FSIP1: variants seen among roughly 807,000 people sequenced by gnomAD.
The protein encoded by FSIP1 is fibrous sheath-interacting protein 1.
A neutral mutation model predicts 60.9 loss-of-function variants in FSIP1; 65 were observed. That is an observed-to-expected ratio of 1.07 (90% CI 0.87 to 1.31). The LOEUF (loss-of-function observed/expected upper bound fraction) is 1.31. Among genes scored for constraint, FSIP1 ranks in the 40% most tolerant of loss-of-function variants. The pLI, the probability that FSIP1 is intolerant of heterozygous loss-of-function variation, is 0.00. For missense variants in FSIP1, 675 were observed against 665.5 expected, an observed-to-expected ratio of 1.01 and a Z score of -0.16; for synonymous variants, 209 against 221.2, an observed-to-expected ratio of 0.94 and a Z score of 0.49.
intron 10 of FSIP1, among the ~76,000 whole-genome samples, chr15:39,651,459 T>C (rs1892865032): frequency 6.6e-6 from 1 of 152,216 alleles, no homozygotes; most frequent in Admixed American, 6.5e-5. Flanking sequence ...AAAGCTCTAA[T>C]GAATGAAAAG....
chr15:39,631,512 T>C (rs1262254883), intron 10 of FSIP1, among the ~76,000 whole-genome samples: 1 of 152,182 alleles, frequency 6.6e-6, no homozygotes, highest in Non-Finnish European at 1.5e-5. Context: ...TCACCCTGTA[T>C]AGGCAATGAC....
At chr15:39,690,987 G>A (rs1894575791) in intron 10 of FSIP1, among the ~76,000 whole-genome samples, 1 of 152,114 alleles carries the variant, frequency 6.6e-6, no homozygotes, top group South Asian at 2.1e-4. Flanking sequence ...CATCAGAGAG[G>A]TTCGAGTAAA....
Position 39,601,536 on chromosome 15 carries a change from T to C in FSIP1, c.1700-610A>G, listed in dbSNP as rs555419343. ...GAGAAGGTTACCATAGACCTGGCAA[T>C]TCCACTTCTAGGTATAAGCCCAAGA... On this transcript the variant is annotated intron_variant, in intron 11 of 11. Transcript: ENST00000350221. Among the ~76,000 whole-genome samples the C allele has an allele frequency of 2.0e-5, 3 of 152,294 alleles. No individual in the cohort carries two copies. In the East Asian group the frequency reaches 5.8e-4, roughly 29 times the overall value.
intron 10 of FSIP1, among the ~76,000 whole-genome samples, chr15:39,693,271 T>G: frequency 6.6e-6 from 1 of 152,222 alleles, no homozygotes; most frequent in South Asian, 2.1e-4. Flanking sequence ...ATGCTCTCAC[T>G]GGCTGGATTT....
intron 5 of FSIP1, among the ~76,000 whole-genome samples, chr15:39,746,232 T>C (rs8033957): frequency 0.2 from 30,134 of 151,836 alleles, 4,086 homozygotes; most frequent in East Asian, 0.45. Context: ...CAATCAGTGG[T>C]CATGTAAGCT....
intron 9 of FSIP1, among the ~76,000 whole-genome samples, chr15:39,718,497 T>C (rs995700615): frequency 6.6e-6 from 1 of 151,214 alleles, no homozygotes; most frequent in African/African-American, 2.4e-5. Flanking sequence ...ACAAACCTTT[T>C]TTTTTTTTTT....
chr15:39,607,552 C>A (rs1477010865), intron 11 of FSIP1, among the ~76,000 whole-genome samples: 1 of 152,156 alleles, frequency 6.6e-6, no homozygotes, highest in Non-Finnish European at 1.5e-5. Context: ...ATACTGGTTA[C>A]CATGAAGCTT....
chr15:39,706,605 A>G (rs1327998784), intron 10 of FSIP1, among the ~76,000 whole-genome samples: 1 of 152,236 alleles, frequency 6.6e-6, no homozygotes, highest in African/African-American at 2.4e-5. Context: ...TAGACACAAC[A>G]TATGTATATT....
chr15:39,748,425 C>T (rs1566912426), intron 5 of FSIP1, among the ~76,000 whole-genome samples: 1 of 152,018 alleles, frequency 6.6e-6, no homozygotes, highest in Non-Finnish European at 1.5e-5. Context: ...GTGAATTTTC[C>T]CTGGGGGTAT....
At chr15:39,692,037 A>G (rs933736528) in intron 10 of FSIP1, among the ~76,000 whole-genome samples, 2 of 148,570 alleles carry the variant, frequency 1.3e-5, no homozygotes, top group African/African-American at 4.9e-5. Context: ...GTGCTGCAAA[A>G]GGATTATTTT....
chr15:39,602,283 C>T (rs1566846612), intron 11 of FSIP1: 2 of 454,824 alleles, frequency 4.4e-6, no homozygotes, highest in Admixed American at 2.4e-5. Context: ...GGCCACAAAG[C>T]CAGGAATGCC....
chr15:39,620,670 C>A (rs1045007272), intron 10 of FSIP1, among the ~76,000 whole-genome samples: 3 of 151,096 alleles, frequency 2.0e-5, no homozygotes, highest in African/African-American at 7.3e-5. Flanking sequence ...TGGCTCACTG[C>A]AACCTCTGCT....
intron 11 of FSIP1, among the ~76,000 whole-genome samples, chr15:39,607,275 C>G (rs1209676941): frequency 6.6e-6 from 1 of 152,192 alleles, no homozygotes; most frequent in East Asian, 1.9e-4. Flanking sequence ...TTTTCCATCT[C>G]TGCCAGTGAC....
intron 10 of FSIP1, among the ~76,000 whole-genome samples, chr15:39,645,631 G>C (rs1892564910): frequency 6.6e-6 from 1 of 152,224 alleles, no homozygotes; most frequent in Admixed American, 6.5e-5. Context: ...CGGGAGCCCT[G>C]CCTCTTCCGA....
At chr15:39,682,600 T>C (rs1487405192) in intron 10 of FSIP1, among the ~76,000 whole-genome samples, 1 of 152,192 alleles carries the variant, frequency 6.6e-6, no homozygotes, top group Non-Finnish European at 1.5e-5. Flanking sequence ...TCTCTAGACT[T>C]AAGAATACAG....
chr15:39,682,520 G>C (rs1158841733), intron 10 of FSIP1, among the ~76,000 whole-genome samples: 3 of 152,202 alleles, frequency 2.0e-5, no homozygotes, highest in Non-Finnish European at 4.4e-5. Context: ...GAAGGGGTGA[G>C]GGGGTGACTG....
Position 39,667,572 on chromosome 15 carries a change from C to T in FSIP1, c.1188+45872G>A, listed in dbSNP as rs544063700. 2.6e-5 allele frequency among the ~76,000 whole-genome samples: 4 copies of T among 152,318 alleles called. No homozygotes were observed. The East Asian group carries it at 7.7e-4, about 29-fold the overall frequency. On this transcript the variant is annotated intron_variant, in intron 10 of 11. Coordinates refer to ENST00000350221, the MANE Select transcript of FSIP1 (RefSeq NM_152597.5). ...TAAGCCGAAACAGACCCAGTCACTG[C>T]CCTTCTGGAGCTGAAGCTTGCTGAG...
intron 10 of FSIP1, among the ~76,000 whole-genome samples, chr15:39,708,674 T>A (rs1895375793): frequency 6.6e-6 from 1 of 152,156 alleles, no homozygotes. Flanking sequence ...CAATCCTTCA[T>A]ATGACCTGGT....
chr15:39,725,168 T>C (rs1262422159), intron 9 of FSIP1, among the ~76,000 whole-genome samples: 1 of 152,144 alleles, frequency 6.6e-6, no homozygotes, highest in Non-Finnish European at 1.5e-5. Context: ...GAGGCGGAGC[T>C]TGCAGTGAGC....
Sources: gnomAD v4.1 joint callset for allele counts (sites outside exome capture counted in the v4.1 genomes callset) on GRCh38, gnomAD v4.1.1 for gene constraint, MANE v1.5 for transcripts, NCBI Gene and HGNC (gene_info 2026-07-23, HGNC 2026-07-21) for gene names.